RUFY4: variants seen among roughly 807,000 people sequenced by gnomAD.
The protein encoded by RUFY4 is RUN and FYVE domain containing 4.
Under a neutral mutation model 69.0 loss-of-function variants are expected in RUFY4, and 73 were observed. The observed-to-expected ratio is 1.06, with a 90% confidence interval of 0.88 to 1.29. The LOEUF is 1.29. RUFY4 is among the 50% of genes most tolerant of loss of function. The pLI is 0.00. For synonymous variants in RUFY4, 287 were observed against 271.8 expected (o/e 1.06, Z -0.55); for missense variants, 770 against 705.6 (o/e 1.09, Z -1.03).
At chr2:218,062,701 ACT>A (rs757679490) in intron 3 of RUFY4, among the ~76,000 whole-genome samples, 1 of 152,166 alleles carries the variant, frequency 6.6e-6, no homozygotes, top group Non-Finnish European at 1.5e-5. Flanking sequence ...ACAGAGCAAG[ACT>A]CTGTCTCAAA....
chr2:218,080,411 C>A (rs973214195), intron 8 of RUFY4, among the ~76,000 whole-genome samples: 1 of 152,186 alleles, frequency 6.6e-6, no homozygotes, highest in Non-Finnish European at 1.5e-5. Context: ...TGAAAACGGA[C>A]TTTGGGCTAA....
chr2:218,073,385 G>C (rs774838402), exon 5 of RUFY4: 9 of 1,591,260 alleles, frequency 5.7e-6, no homozygotes, highest in Non-Finnish European at 6.8e-6. Context: ...CATGTTCTCA[G>C]AGTGAGTGGG....
intron 9 of RUFY4, among the ~76,000 whole-genome samples, chr2:218,086,466 C>A (rs1002936277): frequency 1.8e-4 from 27 of 152,162 alleles, no homozygotes; most frequent in Admixed American, 1.7e-3. Context: ...AAAGACAGAT[C>A]ACCTATAAAA....
intron 2 of RUFY4, among the ~76,000 whole-genome samples, chr2:218,053,699 A>AC (rs2106032979): frequency 6.6e-6 from 1 of 150,934 alleles, no homozygotes; most frequent in South Asian, 2.1e-4. Flanking sequence ...TTTTGTAGAG[A>AC]TGGGGTTTCA....
exon 4 of RUFY4, chr2:218,072,788 C>T (rs1358670920): frequency 6.5e-7 from 1 of 1,529,972 alleles, no homozygotes; most frequent in Non-Finnish European, 8.7e-7. Flanking sequence ...GTTGAAGACC[C>T]CTCTGGGGAA....
At chr2:218,085,882 T>G (rs755642005) in intron 9 of RUFY4, among the ~76,000 whole-genome samples, 32 of 152,316 alleles carry the variant, frequency 2.1e-4, no homozygotes, top group South Asian at 4.1e-4. Context: ...TCCTGTCCAC[T>G]ATTCGGAGTT....
intron 1 of RUFY4, 42 bp from the exon 4 acceptor site, chr2:218,070,711 G>A: frequency 6.5e-7 from 1 of 1,535,152 alleles, no homozygotes; most frequent in African/African-American, 1.4e-5. Context: ...GGGTCTGGGA[G>A]CCCCTCCCTC....
chr2:218,083,071 C>T (rs1689803573), intron 8 of RUFY4, 39 bp from the exon 11 acceptor site: 5 of 1,534,568 alleles, frequency 3.3e-6, no homozygotes, highest in African/African-American at 1.9e-5. Flanking sequence ...AAAGGCTGAG[C>T]TTTGCCCCCT....
chr2:218,067,448 C>G (rs1295353845), upstream of RUFY4, among the ~76,000 whole-genome samples: 1 of 152,198 alleles, frequency 6.6e-6, no homozygotes, highest in Non-Finnish European at 1.5e-5. Flanking sequence ...TTTATCCACC[C>G]CAAGAACGAG....
intron 8 of RUFY4, among the ~76,000 whole-genome samples, chr2:218,082,007 T>A (rs115356427): frequency 6.6e-6 from 1 of 152,204 alleles, no homozygotes; most frequent in Non-Finnish European, 1.5e-5. Flanking sequence ...GCGCTGGGAC[T>A]CTCACGCATG....
At chr2:218,075,038 C>A in intron 6 of RUFY4, 55 bp from the exon 9 acceptor site, 2 of 1,461,680 alleles carry the variant, frequency 1.4e-6, no homozygotes, top group Non-Finnish European at 1.8e-6. Context: ...TCTAATGGCA[C>A]CAGGTCAGTG....
chr2:218,040,145 A>G (rs1959041035), intron 2 of RUFY4, among the ~76,000 whole-genome samples: 1 of 152,238 alleles, frequency 6.6e-6, no homozygotes, highest in Non-Finnish European at 1.5e-5. Flanking sequence ...AATAAAAGTG[A>G]TCATCCATAG....
chr2:218,090,005 A>T (rs1163768402), exon 11 of RUFY4: 2 of 1,567,614 alleles, frequency 1.3e-6, no homozygotes, highest in Admixed American at 3.7e-5. Context: ...AAGAAGAGAG[A>T]CCGCTGCTGC....
Position 218,048,894 on chromosome 2 carries a change from G to T in RUFY4, c.-1157-9701G>T, listed in dbSNP as rs537494326. Among the ~76,000 whole-genome samples, 6 of 152,220 alleles carry T rather than the reference G, an allele frequency of 3.9e-5. No individual in the cohort carries two copies. The East Asian group carries it at 9.6e-4, about 24-fold the overall frequency. On this transcript the variant is annotated intron_variant and NMD_transcript_variant, in intron 2 of 13. Transcript: ENST00000457754. ...TTATTTTAAAAATCACATTCAGATT[G>T]CTCTGTTATCTCTAGTCCTCAGTTG...
In RUFY4 at chr2:218,073,252, T is replaced by A. The variant is rs565548343; in HGVS notation, c.396T>A (p.Tyr132Ter). 5 of 1,551,522 alleles carry A rather than the reference T, an allele frequency of 3.2e-6. No individual in the cohort carries two copies. In the South Asian group the frequency reaches 3.6e-5, roughly 11 times the overall value. The change falls in exon 5 of 11, where the codon TAT (tyrosine) becomes TAA (stop). Residue 132 changes from tyrosine (Y) to a stop codon, truncating the protein, a stop_gained. Coordinates refer to ENST00000344321, the Ensembl canonical transcript of RUFY4. LOFTEE classifies it high-confidence loss of function. ...ATCACTGTTAACACAGGGAATGGTA[T>A]GGACCCCGGAGCCCTCTGCTCTGCC...
upstream of RUFY4, among the ~76,000 whole-genome samples, chr2:218,066,185 T>A (rs912975059): frequency 6.9e-6 from 1 of 144,790 alleles, no homozygotes; most frequent in Non-Finnish European, 1.5e-5. Flanking sequence ...TTCTTTTTTT[T>A]TTTTTTTTTT....
At chr2:218,053,603 G>A (rs183040812) in intron 2 of RUFY4, among the ~76,000 whole-genome samples, 7 of 152,048 alleles carry the variant, frequency 4.6e-5, no homozygotes, top group South Asian at 2.1e-4. Context: ...TCCGCCTCCC[G>A]GATTCATCCC....
intron 2 of RUFY4, among the ~76,000 whole-genome samples, chr2:218,036,584 T>A (rs1351571434): frequency 6.6e-6 from 1 of 152,124 alleles, no homozygotes; most frequent in Admixed American, 6.5e-5. Flanking sequence ...ACGTAAAACT[T>A]TGGGTTTGAT....
intron 4 of RUFY4, 75 bp from the exon 7 acceptor site, chr2:218,073,168 G>C (rs1321388170): frequency 1.3e-6 from 2 of 1,504,920 alleles, no homozygotes; most frequent in East Asian, 4.9e-5. Context: ...AGGTTGAGCT[G>C]GGGTGGGGGT....
Sources: gnomAD v4.1 joint callset for allele counts (sites outside exome capture counted in the v4.1 genomes callset) on GRCh38, gnomAD v4.1.1 for gene constraint, MANE v1.5 for transcripts, NCBI Gene and HGNC (gene_info 2026-07-23, HGNC 2026-07-21) for gene names.